The following JPH3 variants were observed in gnomAD, a reference collection of about 807,000 sequenced individuals.
The protein encoded by JPH3 is junctophilin-3.
Under a neutral mutation model 59.6 loss-of-function variants are expected in JPH3, and 11 were observed. That is an observed-to-expected ratio of 0.18 (90% CI 0.12 to 0.31). The LOEUF (loss-of-function observed/expected upper bound fraction) is 0.31. Among genes scored for constraint, JPH3 ranks in the 10% least tolerant of loss-of-function variants. The probability of loss-of-function intolerance (pLI) is 1.00; values close to 1 mark genes in which losing one functional copy is unlikely to be tolerated. For missense variants in JPH3, 1,202 were observed against 1,105.7 expected (o/e 1.09, Z -1.24); for synonymous variants, 673 against 483.6 (o/e 1.39, Z -5.14).
intron 1 of JPH3, among the ~76,000 whole-genome samples, chr16:87,625,584 G>A (rs1012558401): frequency 2.0e-5 from 3 of 152,304 alleles, no homozygotes; most frequent in African/African-American, 7.2e-5. Flanking sequence ...GGAGGAGGAG[G>A]ACTGGCCCCA....
At chr16:87,604,370 G>T in intron 1 of JPH3, 1 of 1,440,890 alleles carries the variant, frequency 6.9e-7, no homozygotes, top group Non-Finnish European at 9.2e-7. Context: ...CGGCTCTGCA[G>T]CTGCCCGCCT....
At chr16:87,615,161 C>T (rs1413895596) in intron 1 of JPH3, among the ~76,000 whole-genome samples, 1 of 152,242 alleles carries the variant, frequency 6.6e-6, no homozygotes, top group Non-Finnish European at 1.5e-5. Flanking sequence ...TTCCCGGGGA[C>T]CCATCCACAG....
rs1271444554 is a variant in JPH3 at position 87,604,891 on chromosome 16, A to T, written c.382+1363A>T. 1.2e-5 allele frequency: 5 copies of T among 412,162 alleles called. No individual in the cohort carries two copies. The Admixed American group carries it at 1.4e-4, about 12-fold the overall frequency. 25.5% of individuals were successfully genotyped at this position (412,162 alleles called of 1,614,324 possible). On this transcript the variant is annotated intron_variant, in intron 1 of 4. Coordinates refer to ENST00000284262, the MANE Select transcript of JPH3 (RefSeq NM_020655.4). ...CCTTTTCTGTGCCGTTGTTGTTTTC[A>T]TGGAGCAGGTTGGAGAGCTTCCCTG... is the stretch of plus-strand genomic sequence containing the variant.
intron 1 of JPH3, among the ~76,000 whole-genome samples, chr16:87,626,603 G>A (rs929428450): frequency 1.3e-5 from 2 of 152,248 alleles, no homozygotes; most frequent in Non-Finnish European, 2.9e-5. Context: ...CACACCCCGA[G>A]TGGGCGGCCT....
intron 1 of JPH3, among the ~76,000 whole-genome samples, chr16:87,635,312 C>T (rs1273296636): frequency 6.6e-6 from 1 of 152,168 alleles, no homozygotes; most frequent in African/African-American, 2.4e-5. Context: ...CCAGCTGGGA[C>T]CCCGGGCTCC....
chr16:87,605,765 C>G (rs751196536), intron 1 of JPH3, among the ~76,000 whole-genome samples: 3 of 152,176 alleles, frequency 2.0e-5, no homozygotes, highest in Non-Finnish European at 2.9e-5. Context: ...CAGCCTTTGG[C>G]TGCAGGGATC....
At chr16:87,681,561 G>T (rs1004950482) in intron 2 of JPH3, among the ~76,000 whole-genome samples, 5 of 134,144 alleles carry the variant, frequency 3.7e-5, no homozygotes, top group Admixed American at 7.4e-5. Flanking sequence ...GGTCAGGTGC[G>T]CCTGGTGATG....
chr16:87,634,884 C>G (rs1317944577), intron 1 of JPH3, among the ~76,000 whole-genome samples: 1 of 152,238 alleles, frequency 6.6e-6, no homozygotes, highest in African/African-American at 2.4e-5. Context: ...CAGTCCCGCT[C>G]TAGCTGGGTG....
intron 1 of JPH3, among the ~76,000 whole-genome samples, chr16:87,622,618 G>A (rs949733666): frequency 1.9e-4 from 26 of 134,046 alleles, no homozygotes; most frequent in African/African-American, 6.6e-4. Flanking sequence ...AAGTCTGCCA[G>A]AGGCGGGCTC....
intron 2 of JPH3, among the ~76,000 whole-genome samples, chr16:87,662,975 C>G (rs1255390254): frequency 6.6e-6 from 1 of 152,240 alleles, no homozygotes; most frequent in African/African-American, 2.4e-5. Context: ...GCTCACTAAT[C>G]TCAGCCGTCA....
intron 2 of JPH3, among the ~76,000 whole-genome samples, chr16:87,648,177 A>C (rs2032214571): frequency 6.6e-6 from 1 of 152,072 alleles, no homozygotes; most frequent in South Asian, 2.1e-4. Context: ...AGGATGGAGG[A>C]TGAGCCTGCA....
At chr16:87,626,133 C>G (rs369259834) in intron 1 of JPH3, among the ~76,000 whole-genome samples, 2 of 152,152 alleles carry the variant, frequency 1.3e-5, no homozygotes, top group African/African-American at 4.8e-5. Flanking sequence ...GTGCCAAGAG[C>G]AACAGCGGCC....
intron 2 of JPH3, among the ~76,000 whole-genome samples, chr16:87,652,015 C>T (rs2032339628): frequency 6.6e-6 from 1 of 151,304 alleles, no homozygotes; most frequent in African/African-American, 2.4e-5. Flanking sequence ...CGCTCTGTTG[C>T]CCAGGCTGGA....
chr16:87,603,472 G>A lies in JPH3; in HGVS notation c.326G>A (p.Gly109Glu), dbSNP rs1158833814. Residue 109 changes from glycine (G) to glutamate (E), a missense_variant, in exon 1 of 5, where the codon GGG (glycine) becomes GAG (glutamate). By Grantham distance (98) the Gly-to-Glu change is moderately conservative (BLOSUM62 -2). Coordinates refer to ENST00000284262, the MANE Select transcript of JPH3 (RefSeq NM_020655.4). ...GCGGGCAACGGGGCCAAATACGAAG[G>A]GACCTGGAGCAACGGGCTGCAGGAC... The part of the protein sequence containing the change: ...ECAGNGAKYE[G>E]TWSNGLQDGY... 1 of 1,558,438 alleles carries A rather than the reference G, an allele frequency of 6.4e-7. No homozygotes were observed. The highest frequency in any genetic ancestry group is 1.9e-5 in the Admixed American group (1 of 51,574).
At chr16:87,663,913 G>A (rs1384672918) in intron 2 of JPH3, among the ~76,000 whole-genome samples, 1 of 152,264 alleles carries the variant, frequency 6.6e-6, no homozygotes, top group African/African-American at 2.4e-5. Flanking sequence ...TTGACTGTGC[G>A]GTTTTGCATG....
rs75487683 is a variant in JPH3, at chr16:87,688,281, C to G, written c.1286-1365C>G. Among the ~76,000 whole-genome samples the G allele has an allele frequency of 6.6e-3, 1,010 of 152,336 alleles. 5 individuals carry two copies. The highest frequency in any genetic ancestry group is 0.012 in the Admixed American group (190 of 15,308). On this transcript the variant is annotated intron_variant, in intron 3 of 4. Coordinates refer to ENST00000284262, the MANE Select transcript of JPH3 (RefSeq NM_020655.4). ...CCCAGCTGTGCCCCAAGCCCCAGGCCAGGGCCATGGCCTCGCTCTGCTCAG... is the reference window on the plus strand; with the variant it reads ...CCCAGCTGTGCCCCAAGCCCCAGGCGAGGGCCATGGCCTCGCTCTGCTCAG...
chr16:87,657,970 T>C (rs971171314), intron 2 of JPH3, among the ~76,000 whole-genome samples: 10 of 152,168 alleles, frequency 6.6e-5, no homozygotes, highest in African/African-American at 1.9e-4. Flanking sequence ...GGCCTCACAG[T>C]GGTCACGCTC....
chr16:87,643,024 A>G (rs1597255940), intron 1 of JPH3, among the ~76,000 whole-genome samples: 1 of 151,634 alleles, frequency 6.6e-6, no homozygotes. Context: ...CTACTGCAAA[A>G]CTCTGTCCCT....
Position 87,690,008 on chromosome 16 carries a change from G to A in JPH3, c.1648G>A (p.Gly550Ser), listed in dbSNP as rs1429190227. Residue 550 changes from glycine (G) to serine (S), a missense_variant, in exon 4 of 5, where the codon GGC (glycine) becomes AGC (serine). Physicochemically the swap from Gly to Ser is moderately conservative, Grantham distance 56. Coordinates refer to ENST00000284262, the MANE Select transcript of JPH3 (RefSeq NM_020655.4). ...RGVRSGALRG[G>S]LLVDDFRTRG... ...TGTCCGCAGCGGTGCCCTGCGCGGC[G>A]GCCTGCTCGTGGATGACTTCCGCAC... 5.9e-6 allele frequency: 9 copies of A among 1,516,376 alleles called. No individual in the cohort carries two copies. The East Asian group carries it at 1.5e-4, about 25-fold the overall frequency. 93.9% of individuals were successfully genotyped at this position (1,516,376 alleles called of 1,614,324 possible).
Sources: gnomAD v4.1 joint callset for allele counts (sites outside exome capture counted in the v4.1 genomes callset) on GRCh38, gnomAD v4.1.1 for gene constraint, MANE v1.5 for transcripts, NCBI Gene and HGNC (gene_info 2026-07-23, HGNC 2026-07-21) for gene names.